The following DDX10 variants were observed in gnomAD, a reference collection of about 807,000 sequenced individuals.
DDX10 encodes DEAD-box helicase 10.
Under a neutral mutation model 104.3 loss-of-function variants are expected in DDX10, and 74 were observed. That is an observed-to-expected ratio of 0.71 (90% CI 0.59 to 0.86). The LOEUF (loss-of-function observed/expected upper bound fraction) is 0.86. DDX10 is among the 40% of genes least tolerant of loss of function. The pLI is 0.00. For missense variants in DDX10, 952 were observed against 1,040.0 expected, an observed-to-expected ratio of 0.92 and a Z score of 1.16; for synonymous variants, 351 against 353.4, an observed-to-expected ratio of 0.99 and a Z score of 0.08.
rs979016190 is a variant in DDX10 at position 108,900,083 on chromosome 11, G to A, written c.2305-17790G>A. On this transcript the variant is annotated intron_variant, in intron 16 of 17. Transcript: ENST00000322536. ...GCTTAAAATGCGTCACTGCACTCCA[G>A]CCTGGACAGCAAGAGCAAAACTCTG... 5.3e-5 allele frequency among the ~76,000 whole-genome samples: 8 copies of A among 151,806 alleles called. 1 individual carries two copies. Among genetic ancestry groups the A allele is most frequent in the South Asian group, 4.2e-4 (2 of 4,814 alleles).
At chr11:108,936,970 A>G (rs1424358179) in intron 17 of DDX10, among the ~76,000 whole-genome samples, 2 of 152,200 alleles carry the variant, frequency 1.3e-5, no homozygotes. Context: ...AAGAAAATCA[A>G]TTTAGTATCA....
chr11:108,785,051 T>A (rs1861771289), intron 13 of DDX10, among the ~76,000 whole-genome samples: 1 of 152,196 alleles, frequency 6.6e-6, no homozygotes, highest in African/African-American at 2.4e-5. Flanking sequence ...TTGGTCTATA[T>A]GTCTCTTTTG....
At chr11:108,850,366 GA>G (rs1235838368) in intron 15 of DDX10, among the ~76,000 whole-genome samples, 5 of 152,202 alleles carry the variant, frequency 3.3e-5, no homozygotes, top group African/African-American at 1.2e-4. Flanking sequence ...TGATTAAAAT[GA>G]CTAAATGGAA....
At chr11:108,846,146 CATA>C (rs1481070746) in intron 15 of DDX10, among the ~76,000 whole-genome samples, 16 of 152,070 alleles carry the variant, frequency 1.1e-4, no homozygotes, top group South Asian at 8.3e-4. Flanking sequence ...TTAATTGACA[CATA>C]ATAATTGTAT....
At chr11:108,781,721 A>G (rs1416208405) in intron 13 of DDX10, among the ~76,000 whole-genome samples, 1 of 152,184 alleles carries the variant, frequency 6.6e-6, no homozygotes, top group Non-Finnish European at 1.5e-5. Context: ...ACTGTAAACC[A>G]AAGAATCGCC....
At chr11:108,699,592 G>A (rs1241680811) in intron 9 of DDX10, among the ~76,000 whole-genome samples, 1 of 152,198 alleles carries the variant, frequency 6.6e-6, no homozygotes, top group Non-Finnish European at 1.5e-5. Context: ...GGGAGAGAAA[G>A]ATGAAGCAGT....
intron 9 of DDX10, among the ~76,000 whole-genome samples, chr11:108,702,622 G>T (rs1368787400): frequency 6.6e-6 from 1 of 152,186 alleles, no homozygotes; most frequent in Non-Finnish European, 1.5e-5. Flanking sequence ...TTGTTTGAAG[G>T]TTATTTCAGT....
intron 13 of DDX10, among the ~76,000 whole-genome samples, chr11:108,803,133 T>C (rs950180675): frequency 6.6e-5 from 10 of 152,146 alleles, no homozygotes; most frequent in African/African-American, 2.4e-4. Flanking sequence ...TTCTTACTTT[T>C]CAAATTAATG....
chr11:108,672,584 A>G (rs114322092), intron 1 of DDX10, among the ~76,000 whole-genome samples: 107 of 152,386 alleles, frequency 7.0e-4, no homozygotes, highest in African/African-American at 2.4e-3. Flanking sequence ...TAAGAATCAT[A>G]GGAAAGATGT....
At chr11:108,857,461 G>C (rs1400788369) in intron 16 of DDX10, among the ~76,000 whole-genome samples, 2 of 152,078 alleles carry the variant, frequency 1.3e-5, no homozygotes, top group African/African-American at 4.8e-5. Context: ...CTACTCCCGT[G>C]GTCCCCTGTC....
At chr11:108,866,501 G>A (rs1328215482) in intron 16 of DDX10, among the ~76,000 whole-genome samples, 1 of 152,088 alleles carries the variant, frequency 6.6e-6, no homozygotes, top group African/African-American at 2.4e-5. Flanking sequence ...GGTGAAAAGG[G>A]CATTTTATTC....
chr11:108,843,100 G>A (rs1041067802), intron 15 of DDX10, among the ~76,000 whole-genome samples: 2 of 152,166 alleles, frequency 1.3e-5, no homozygotes, highest in African/African-American at 4.8e-5. Context: ...TTTAAAATAT[G>A]TGGGTGCTGC....
intron 15 of DDX10, among the ~76,000 whole-genome samples, chr11:108,841,810 A>G (rs1050105310): frequency 6.6e-6 from 1 of 152,178 alleles, no homozygotes; most frequent in Non-Finnish European, 1.5e-5. Flanking sequence ...CTCCATTTCA[A>G]TAATTTTGTC....
At chr11:108,792,102 T>C (rs1861879138) in intron 13 of DDX10, among the ~76,000 whole-genome samples, 1 of 152,222 alleles carries the variant, frequency 6.6e-6, no homozygotes, top group African/African-American at 2.4e-5. Context: ...ATTCAAATCT[T>C]CCATTTAAAA....
rs2094276760 is a variant in DDX10, at chr11:108,706,773, C to G, written c.1258C>G (p.Leu420Val). The G allele has an allele frequency of 6.2e-7, 1 of 1,613,942 alleles. No individual in the cohort carries two copies. Among genetic ancestry groups the G allele is most frequent in the African/African-American group, 1.3e-5 (1 of 74,918 alleles). ...KEDGEALLIL[L>V]PSEKAMVQQL... ...GGATGGTGAAGCTTTGCTAATTTTG[C>G]TACCCTCAGAAAAAGCTATGGTGCA... Residue 420 changes from leucine to valine, a missense_variant, in exon 10 of 18, where the codon CTA (leucine) becomes GTA (valine). This residue lies in a region of DDX10 where 533 missense variants were observed against 534.1 expected (regional missense o/e 1.00). Coordinates refer to ENST00000322536, the MANE Select transcript of DDX10 (RefSeq NM_004398.4).
chr11:108,723,292 GC>G lies in DDX10; in HGVS notation c.1796del (p.Ala599GlufsTer38), dbSNP rs2094301033. Reference sequence around the variant, plus strand: ...AGAAATGGAAGAGAAACTGGCAAAAGCAAAAGGATCTCAAGCCCCATCTCTT... The same window carrying G: ...AGAAATGGAAGAGAAACTGGCAAAAGAAAAGGATCTCAAGCCCCATCTCTT... ...EEEMEEKLAK[A>X]KGSQAPSLPN... On this transcript the variant is annotated frameshift_variant, in exon 13 of 18. Coordinates refer to ENST00000322536, the MANE Select transcript of DDX10 (RefSeq NM_004398.4). LOFTEE classifies it high-confidence loss of function. 6.8e-6 allele frequency: 11 copies of G among 1,613,688 alleles called. No individual in the cohort carries two copies. Among genetic ancestry groups the G allele is most frequent in the Non-Finnish European group, 8.5e-6 (10 of 1,179,846 alleles).
intron 13 of DDX10, among the ~76,000 whole-genome samples, chr11:108,831,903 A>G (rs1591829882): frequency 6.6e-6 from 1 of 152,174 alleles, no homozygotes; most frequent in African/African-American, 2.4e-5. Flanking sequence ...CACCTATCAT[A>G]GGACACTGAG....
Position 108,808,370 on chromosome 11 carries a change from G to C in DDX10, c.1966-30076G>C, listed in dbSNP as rs138914044. On this transcript the variant is annotated intron_variant, in intron 13 of 17. Coordinates refer to ENST00000322536, the MANE Select transcript of DDX10 (RefSeq NM_004398.4). ...TTTTTTGGGGGTGGGGGGAAATATT[G>C]GATGATAGTAGCTTTTATACATTTA... 6.5e-4 allele frequency among the ~76,000 whole-genome samples: 99 copies of C among 152,006 alleles called. No individual in the cohort carries two copies. In the East Asian group the frequency reaches 0.018, roughly 28 times the overall value.
rs1247212485 is a variant in DDX10, at chr11:108,678,317, T to A, written c.540T>A (p.Asp180Glu). 2 of 1,607,660 alleles carry A rather than the reference T, an allele frequency of 1.2e-6. No homozygotes were observed. Among genetic ancestry groups the A allele is most frequent in the Admixed American group, 1.7e-5 (1 of 59,238 alleles). ...TCAAAATAAATAACTGTTTTCAGGA[T>A]CTAAAACACGAAGCTGAGAGGATCA... ...FSAGLIIGGK[D>E]LKHEAERINN... The change falls in exon 5 of 18, where the codon GAT (aspartate) becomes GAA (glutamate). Residue 180 changes from aspartate (D) to glutamate (E), a missense_variant and splice_region_variant. By Grantham distance (45) the Asp-to-Glu change is conservative. Coordinates refer to ENST00000322536, the MANE Select transcript of DDX10 (RefSeq NM_004398.4).
Sources: gnomAD v4.1 joint callset for allele counts (sites outside exome capture counted in the v4.1 genomes callset) on GRCh38, gnomAD v4.1.1 for gene constraint, gnomAD v4.1.1 regional missense constraint, MANE v1.5 for transcripts, NCBI Gene and HGNC (gene_info 2026-07-23, HGNC 2026-07-21) for gene names.